LRRC71: variants seen among roughly 807,000 people sequenced by gnomAD.
LRRC71 encodes leucine rich repeat containing 71.
A neutral mutation model predicts 66.6 loss-of-function variants in LRRC71; 54 were observed. That is an observed-to-expected ratio of 0.81 (90% CI 0.65 to 1.02). The LOEUF (loss-of-function observed/expected upper bound fraction) is 1.02. Ranked by LOEUF, LRRC71 falls within the 50% of genes least tolerant of loss-of-function variation. The pLI is 0.00. For synonymous variants in LRRC71, 323 were observed against 303.9 expected, an observed-to-expected ratio of 1.06 and a Z score of -0.65; for missense variants, 724 against 718.0, an observed-to-expected ratio of 1.01 and a Z score of -0.10.
chr1:156,935,855 C>T (rs569188325), downstream of LRRC71: 388 of 892,528 alleles, frequency 4.3e-4, 3 homozygotes, highest in South Asian at 6.7e-3. Flanking sequence ...ATGCGGGTCT[C>T]CCCCCGGGCC....
intron 1 of LRRC71, among the ~76,000 whole-genome samples, 198 bp from the exon 2 acceptor site, chr1:156,923,751 C>G (rs1216290939): frequency 6.6e-6 from 1 of 152,244 alleles, no homozygotes; most frequent in African/African-American, 2.4e-5. Context: ...GCACGCACGC[C>G]CGTTAGTCCC....
chr1:156,936,520 ATATAT>A, downstream of LRRC71, among the ~76,000 whole-genome samples: 2 of 135,696 alleles, frequency 1.5e-5, no homozygotes, highest in African/African-American at 5.7e-5. Flanking sequence ...ATATATATAT[ATATAT>A]AAAATTAAAA....
At chr1:156,938,516 G>A in the LRRC71 span, 13 of 1,611,576 alleles carry the variant, frequency 8.1e-6, no homozygotes, top group African/African-American at 1.3e-4. Flanking sequence ...CACCTCAGCT[G>A]CACCGACACC....
downstream of LRRC71, chr1:156,935,820 C>T: frequency 1.5e-6 from 1 of 657,894 alleles, no homozygotes. Context: ...TGAAACCTGA[C>T]TCCGACTTGA....
At chr1:156,926,301 C>T (rs191342794) in intron 5 of LRRC71, among the ~76,000 whole-genome samples, 63 of 152,306 alleles carry the variant, frequency 4.1e-4, no homozygotes, top group Admixed American at 1.4e-3. Context: ...TTTGAGGTTG[C>T]GGTACAGCTG....
intron 9 of LRRC71, 150 bp downstream of exon 9, chr1:156,928,154 T>C: frequency 1.2e-6 from 1 of 804,432 alleles, no homozygotes; most frequent in East Asian, 2.7e-5. Flanking sequence ...CTGCACAGAC[T>C]TTTGCCAAGC....
chr1:156,923,273 G>A (rs995161603), intron 1 of LRRC71, among the ~76,000 whole-genome samples: 7 of 152,232 alleles, frequency 4.6e-5, no homozygotes, highest in African/African-American at 1.2e-4. Context: ...TTCTTCCTGG[G>A]ATGCCTATGG....
chr1:156,929,549 C>T, intron 10 of LRRC71, 87 bp from the exon 11 acceptor site: 2 of 1,540,936 alleles, frequency 1.3e-6, no homozygotes, highest in Admixed American at 2.0e-5. Flanking sequence ...CCCTAAGGCC[C>T]CGGGTCCTAA....
At chr1:156,925,062 G>C (rs768150024) in intron 5 of LRRC71, 47 bp downstream of exon 5, 25 of 1,540,084 alleles carry the variant, frequency 1.6e-5, no homozygotes, top group African/African-American at 2.7e-5. Context: ...CTGGCTGGGC[G>C]GGTGGTCAGA....
Position 156,924,967 on chromosome 1 carries a change from C to T in LRRC71, c.545C>T (p.Thr182Ile), listed in dbSNP as rs777715777. The T allele has an allele frequency of 2.6e-6, 4 of 1,551,678 alleles. No homozygotes were observed. Among genetic ancestry groups the T allele is most frequent in the Non-Finnish European group, 3.5e-6 (4 of 1,146,988 alleles). Residue 182 changes from threonine (T) to isoleucine (I), a missense_variant, in exon 5 of 15, where the codon ACC (threonine) becomes ATC (isoleucine). Physicochemically the swap from Thr to Ile is moderately conservative, Grantham distance 89. Coordinates refer to ENST00000337428, the MANE Select transcript of LRRC71 (RefSeq NM_144702.3). ...TGGAAGGTGGGGCTGACCGATAAGA[C>T]CCTGACCACCTTCATCGAGCTCCTG... is the stretch of plus-strand genomic sequence containing the variant. ...NLWKVGLTDK[T>I]LTTFIELLPL...
intron 12 of LRRC71, 21 bp from the exon 13 acceptor site, chr1:156,931,895 A>G (rs1413093306): frequency 1.3e-6 from 2 of 1,550,336 alleles, no homozygotes; most frequent in Admixed American, 1.9e-5. Flanking sequence ...GTCTGCTGCA[A>G]TTAGTATTCT....
chr1:156,931,547 C>A (rs187485936), intron 12 of LRRC71, among the ~76,000 whole-genome samples: 47 of 152,340 alleles, frequency 3.1e-4, no homozygotes, highest in African/African-American at 9.9e-4. Flanking sequence ...ATGCGACATA[C>A]TGTTTCACGC....
Position 156,920,938 on chromosome 1 carries a change from G to C in LRRC71, c.135G>C (p.Val45=), listed in dbSNP as rs1198330430. 5.2e-6 allele frequency: 8 copies of C among 1,534,746 alleles called. No individual in the cohort carries two copies. Among genetic ancestry groups the C allele is most frequent in the South Asian group, 1.2e-5 (1 of 81,398 alleles). The change falls in exon 1 of 15, where the codon GTG becomes GTC. Residue 45 remains valine (V), a synonymous_variant. Coordinates refer to ENST00000337428, the MANE Select transcript of LRRC71 (RefSeq NM_144702.3). This position sits in a 1 kb window ranked among gnomAD's most constrained non-coding sequence, Gnocchi z 4.9. ...AGCCAGCGACCGTTCTGCCTCCCGTGGGGGAGGAGGAGCCCAAAAGCCCTG... is the reference window on the plus strand; with the variant it reads ...AGCCAGCGACCGTTCTGCCTCCCGTCGGGGAGGAGGAGCCCAAAAGCCCTG... ...KEKPATVLPP[V]GEEEPKSPEE...
downstream of LRRC71, among the ~76,000 whole-genome samples, chr1:156,936,565 C>T (rs60859834): frequency 0.01 from 1,448 of 142,892 alleles, 13 homozygotes; most frequent in African/African-American, 0.022. Flanking sequence ...TGAGAACAGG[C>T]TCCTCCTGGT....
rs1331360491 is a variant in LRRC71 at position 156,931,924 on chromosome 1, T to C, written c.1338T>C (p.Val446=). Reference sequence around the variant, plus strand: ...GTATTCTGCTTTAGCAGCTGGTTGTTGAGGCTACTGAGGTGGTCAACCCTC... The same window carrying C: ...GTATTCTGCTTTAGCAGCTGGTTGTCGAGGCTACTGAGGTGGTCAACCCTC... The part of the protein sequence containing the change: ...RSILLESELV[V]EATEVVNPLL... The change falls in exon 13 of 15, where the codon GTT becomes GTC. Residue 446 remains valine, a synonymous_variant. Transcript: ENST00000337428. The C allele has an allele frequency of 2.5e-6, 4 of 1,584,894 alleles. No homozygotes were observed. The highest frequency in any genetic ancestry group is 3.4e-6 in the Non-Finnish European group (4 of 1,164,782).
chr1:156,936,498 ATATAT>A (rs1291253359), downstream of LRRC71, among the ~76,000 whole-genome samples: 3 of 35,432 alleles, frequency 8.5e-5, no homozygotes, highest in South Asian at 1.3e-3. Flanking sequence ...AAAAAAAAAA[ATATAT>A]ATATATATAT....
intron 9 of LRRC71, among the ~76,000 whole-genome samples, chr1:156,928,903 C>T (rs1182911832): frequency 2.0e-5 from 3 of 152,070 alleles, no homozygotes; most frequent in Non-Finnish European, 4.4e-5. Flanking sequence ...CCTTAGTTTC[C>T]TCATCTGTAA....
downstream of LRRC71, chr1:156,935,758 G>A (rs1654926884): frequency 1.9e-6 from 1 of 531,286 alleles, no homozygotes; most frequent in Non-Finnish European, 3.3e-6. Context: ...CAGTCAGCAT[G>A]CTTAGGAGAC....
chr1:156,922,125 C>A (rs1195962787), intron 1 of LRRC71, among the ~76,000 whole-genome samples: 1 of 152,020 alleles, frequency 6.6e-6, no homozygotes, highest in African/African-American at 2.4e-5. Flanking sequence ...TCAGCAGTGC[C>A]TGAGAGGTTA....
Sources: allele counts gnomAD v4.1 joint callset (sites outside exome capture counted in the v4.1 genomes callset), GRCh38; gene constraint gnomAD v4.1.1; non-coding constraint Gnocchi (gnomAD v3.1); transcripts MANE v1.5; gene names NCBI Gene and HGNC (gene_info 2026-07-23, HGNC 2026-07-21).